The following USP49 variants were observed in gnomAD, a reference collection of about 807,000 sequenced individuals.
The protein encoded by USP49 is ubiquitin specific peptidase 49.
In USP49, 24 loss-of-function variants were observed where a neutral mutation model predicts 58.6. The ratio of observed to expected loss-of-function variants is 0.41; its 90% CI spans 0.30 to 0.58. USP49 has a LOEUF of 0.58. Ranked by LOEUF, USP49 falls within the 20% of genes least tolerant of loss-of-function variation. The pLI is 0.30. For synonymous variants in USP49, 408 were observed against 365.1 expected, an observed-to-expected ratio of 1.12 and a Z score of -1.34; for missense variants, 703 against 866.1, an observed-to-expected ratio of 0.81 and a Z score of 2.36.
chr6:41,888,048 C>CTTTTTTTTTTTTTTTTT (rs35468035), intron 2 of USP49, among the ~76,000 whole-genome samples: 4 of 85,478 alleles, frequency 4.7e-5, no homozygotes, highest in Non-Finnish European at 8.8e-5. Context: ...TCACAATCAG[C>CTTTTTTTTTTTTTTTTT]TTTTTTTTTT....
At chr6:41,816,525 A>G (rs1581999805) in intron 3 of USP49, among the ~76,000 whole-genome samples, 1 of 152,140 alleles carries the variant, frequency 6.6e-6, no homozygotes, top group African/African-American at 2.4e-5. Flanking sequence ...CTCCATCCTC[A>G]GCTCTCTTCT....
rs1772875806 is a variant in USP49 at position 41,795,807 on chromosome 6, T to C, written c.*726A>G. Reference sequence around the variant, plus strand: ...TCAGCATGGAACATGTGCTAGTCTATTGCTTCTTTATATGACCTGCCCCTT... The same window carrying C: ...TCAGCATGGAACATGTGCTAGTCTACTGCTTCTTTATATGACCTGCCCCTT... On this transcript the variant is annotated 3_prime_UTR_variant, in exon 8 of 8. Transcript: ENST00000682992. 6.6e-6 allele frequency: 1 copy of C among 152,212 alleles called. No individual in the cohort carries two copies. The highest frequency in any genetic ancestry group is 2.4e-5 in the African/African-American group (1 of 41,434). 9.4% of individuals were successfully genotyped at this position (152,212 alleles called of 1,614,324 possible). A position where few individuals can be genotyped will look rare whatever the true frequency, so the allele number is the denominator to read the frequency against.
At chr6:41,888,707 C>A (rs922252409) in intron 2 of USP49, among the ~76,000 whole-genome samples, 3 of 152,184 alleles carry the variant, frequency 2.0e-5, no homozygotes, top group African/African-American at 7.2e-5. Context: ...CCCGCCTCAG[C>A]CTCCCAAAGG....
chr6:41,894,595 T>C, intron 1 of USP49: 2 of 152,234 alleles, frequency 1.3e-5, no homozygotes, highest in African/African-American at 2.4e-5. Flanking sequence ...TCTTAATCAC[T>C]CTCTCTTTCC....
chr6:41,836,699 G>A (rs541706520), intron 3 of USP49, among the ~76,000 whole-genome samples: 1 of 152,192 alleles, frequency 6.6e-6, no homozygotes, highest in Non-Finnish European at 1.5e-5. Context: ...AAACCCCATA[G>A]TATCTGGCCA....
chr6:41,883,974 T>C (rs1774662807), intron 2 of USP49, among the ~76,000 whole-genome samples: 1 of 152,164 alleles, frequency 6.6e-6, no homozygotes, highest in Non-Finnish European at 1.5e-5. Flanking sequence ...CACAGAATAC[T>C]ATGCTGCAGC....
intron 3 of USP49, among the ~76,000 whole-genome samples, chr6:41,830,938 G>A (rs570017236): frequency 5.9e-5 from 9 of 152,114 alleles, no homozygotes; most frequent in Admixed American, 1.3e-4. Context: ...CTCCACACAA[G>A]ATAACCTGCA....
chr6:41,850,380 T>C lies in USP49; in HGVS notation c.-29+21184A>G, dbSNP rs534403519. On this transcript the variant is annotated intron_variant, in intron 3 of 7. Transcript: ENST00000682992. Reference sequence around the variant, plus strand: ...ATCGCTTGAACCTGGGAGGCAGAGGTTGCAGTGAGCTGAGATCGTGCCACT... The same window carrying C: ...ATCGCTTGAACCTGGGAGGCAGAGGCTGCAGTGAGCTGAGATCGTGCCACT... 2.0e-5 allele frequency among the ~76,000 whole-genome samples: 3 copies of C among 150,648 alleles called. No individual in the cohort carries two copies. In the East Asian group the frequency reaches 5.9e-4, roughly 30 times the overall value.
At position 41,806,694 on chromosome 6, in the gene USP49, C is replaced by G; in HGVS notation, c.290G>C (p.Ser97Thr). ...CTGGCCCCGGACCGCCAGGAGGGAG[C>G]TTCTTAGCAGCTTCAGGTCCCCCTC... The part of the protein sequence containing the change: ...NPEGDLKLLR[S>T]SLLAVRGQKQ... The change falls in exon 4 of 8, where the codon AGC becomes ACC. Residue 97 changes from serine to threonine, a missense_variant. By Grantham distance (58) the Ser-to-Thr change is moderately conservative. This residue lies in a region of USP49 where 376 missense variants were observed against 373.5 expected (regional missense o/e 1.01). Transcript: ENST00000682992. This position sits in a 1 kb window ranked among gnomAD's most constrained non-coding sequence, Gnocchi z 5.9. The G allele has an allele frequency of 1.9e-6, 3 of 1,614,254 alleles. No individual in the cohort carries two copies. The highest frequency in any genetic ancestry group is 1.7e-6 in the Non-Finnish European group (2 of 1,180,050).
intron 3 of USP49, among the ~76,000 whole-genome samples, chr6:41,818,035 TG>T (rs1342004700): frequency 1.3e-5 from 2 of 152,172 alleles, no homozygotes; most frequent in African/African-American, 4.8e-5. Flanking sequence ...TGTACTTTTT[TG>T]TTTGGTAGCA....
chr6:41,839,860 G>A (rs1486869222), intron 3 of USP49, among the ~76,000 whole-genome samples: 2 of 151,946 alleles, frequency 1.3e-5, no homozygotes, highest in Non-Finnish European at 2.9e-5. Context: ...GAGGGGGTAA[G>A]GGATAAAAGA....
Position 41,892,997 on chromosome 6 carries a change from T to G in USP49, c.-184-1122A>C, listed in dbSNP as rs553099097. ...CCAAATTTCTTATCTTCCTTTTCAT[T>G]TCTAAAGGTGTCTTAAAAATCAAAA... On this transcript the variant is annotated intron_variant, in intron 1 of 7. Transcript: ENST00000682992. Among the ~76,000 whole-genome samples, 5 of 152,350 alleles carry G rather than the reference T, an allele frequency of 3.3e-5. No homozygotes were observed. The East Asian group carries it at 7.7e-4, about 23-fold the overall frequency.
intron 3 of USP49, among the ~76,000 whole-genome samples, chr6:41,823,743 C>T (rs1048254763): frequency 1.3e-5 from 2 of 152,160 alleles, no homozygotes; most frequent in African/African-American, 4.8e-5. Flanking sequence ...TCCTTCCCCT[C>T]ATGGAACAGC....
intron 3 of USP49, among the ~76,000 whole-genome samples, chr6:41,845,626 G>A (rs1773909243): frequency 1.3e-5 from 2 of 151,982 alleles, no homozygotes; most frequent in South Asian, 4.2e-4. Flanking sequence ...GTTTGGGGCT[G>A]TAGTGCATTA....
chr6:41,799,994 G>T, intron 5 of USP49, 56 bp from the exon 6 acceptor site: 2 of 1,482,846 alleles, frequency 1.3e-6, no homozygotes, highest in South Asian at 1.1e-5. Context: ...TTCTAGCTAT[G>T]GCAGAGACAG....
intron 5 of USP49, among the ~76,000 whole-genome samples, chr6:41,802,898 C>A (rs1773045865): frequency 6.6e-6 from 1 of 152,178 alleles, no homozygotes; most frequent in Admixed American, 6.5e-5. Flanking sequence ...ATGACCCTCT[C>A]TGAAATGTGA....
rs547820657 is a variant in USP49 at position 41,846,191 on chromosome 6, CT to C, written c.-29+25372del. On this transcript the variant is annotated intron_variant, in intron 3 of 7. Transcript: ENST00000682992. ...ATCATCCAGGCATGGTAGCCTGCAC[CT>C]GTTAATCCCAGCTACTTGGGAGGCT... 3.6e-3 allele frequency among the ~76,000 whole-genome samples: 550 copies of C among 152,242 alleles called. 3 individuals carry two copies. Among genetic ancestry groups the C allele is most frequent in the Admixed American group, 8.3e-3 (127 of 15,290 alleles).
At chr6:41,805,354 T>C (rs1773090641) in intron 4 of USP49, among the ~76,000 whole-genome samples, 1 of 152,176 alleles carries the variant, frequency 6.6e-6, no homozygotes, top group South Asian at 2.1e-4. Context: ...AATATTATAT[T>C]ACCCCTATCT....
intron 5 of USP49, among the ~76,000 whole-genome samples, chr6:41,802,395 A>ATT (rs1250445299): frequency 3.4e-5 from 4 of 118,692 alleles, no homozygotes; most frequent in South Asian, 2.6e-4. Context: ...ATTTTATTTT[A>ATT]TTTTATTTTA....
Sources: gnomAD v4.1 joint callset for allele counts (sites outside exome capture counted in the v4.1 genomes callset) on GRCh38, gnomAD v4.1.1 for gene constraint, gnomAD v4.1.1 regional missense constraint, Gnocchi (gnomAD v3.1) non-coding constraint, MANE v1.5 for transcripts, NCBI Gene and HGNC (gene_info 2026-07-23, HGNC 2026-07-21) for gene names.